FLNB: variants seen among roughly 807,000 people sequenced by gnomAD.
The protein encoded by FLNB is filamin-B.
FLNB carries 111 observed loss-of-function variants against 250.6 expected under a neutral mutation model. That is an observed-to-expected ratio of 0.44 (90% CI 0.38 to 0.52). The LOEUF is 0.52. Among genes scored for constraint, FLNB ranks in the 20% least tolerant of loss-of-function variants. The pLI is 0.00. For missense variants in FLNB, 2,869 were observed against 3,447.8 expected (o/e 0.83, Z 4.20); for synonymous variants, 1,302 against 1,372.1 (o/e 0.95, Z 1.13).
chr3:58,126,140 G>A (rs2107186275), intron 23 of FLNB, among the ~76,000 whole-genome samples: 1 of 152,342 alleles, frequency 6.6e-6, no homozygotes, highest in Non-Finnish European at 1.5e-5. Flanking sequence ...ACTTCAGGTG[G>A]CCGAGACGGG....
chr3:58,138,622 CT>C lies in FLNB; in HGVS notation c.5109+101del, dbSNP rs568100301. 650 of 1,518,756 alleles carry C rather than the reference CT, an allele frequency of 4.3e-4. 2 individuals carry two copies. Among genetic ancestry groups the C allele is most frequent in the Middle Eastern group, 1.4e-3 (8 of 5,520 alleles). 94.1% of individuals were successfully genotyped at this position (1,518,756 alleles called of 1,614,324 possible). On this transcript the variant is annotated intron_variant, in intron 29 of 45. Coordinates refer to ENST00000295956, the MANE Select transcript of FLNB (RefSeq NM_001457.4). ...ACCCTGACTAGGATATCCTCTTCAC[CT>C]TTTTTTTCCTTTGGAAAAAAATTTG...
At position 58,123,167 on chromosome 3, in the gene FLNB, A is replaced by T; in HGVS notation, c.3201A>T (p.Gly1067=). ...CCGAGTTCACCATCGATACCAAAGG[A>T]GCTGGTACTGGAGGTCTGGGCTTAA... ...KPAEFTIDTK[G]AGTGGLGLTV... The change falls in exon 21 of 46, where the codon GGA becomes GGT. Residue 1067 remains glycine, a synonymous_variant. Coordinates refer to ENST00000295956, the MANE Select transcript of FLNB (RefSeq NM_001457.4). 2.5e-6 allele frequency: 4 copies of T among 1,614,014 alleles called. No individual in the cohort carries two copies. The highest frequency in any genetic ancestry group is 3.4e-6 in the Non-Finnish European group (4 of 1,179,954).
intron 4 of FLNB, among the ~76,000 whole-genome samples, chr3:58,083,287 G>A (rs1411014479): frequency 6.7e-6 from 1 of 149,768 alleles, no homozygotes; most frequent in African/African-American, 2.5e-5. Context: ...AATAGTTAAG[G>A]GCATGTGTCT....
intron 38 of FLNB, chr3:58,152,842 T>C: frequency 2.3e-6 from 2 of 868,880 alleles, no homozygotes; most frequent in Non-Finnish European, 3.3e-6. Context: ...GCAGGCACAG[T>C]CGTTGGCATG....
intron 21 of FLNB, 137 bp downstream of exon 21, chr3:58,123,827 G>C (rs573296942): frequency 8.3e-6 from 6 of 726,408 alleles, no homozygotes; most frequent in African/African-American, 1.8e-5. Context: ...TGTTCCCTCT[G>C]CCTCGGGGAG....
At chr3:58,168,912 A>G (rs1575484636) in intron 44 of FLNB, 2 of 494,016 alleles carry the variant, frequency 4.0e-6, no homozygotes, top group East Asian at 7.7e-5. Flanking sequence ...AAGAATACAT[A>G]TTGAAATCTT....
chr3:58,143,396 C>A, intron 31 of FLNB, 77 bp from the exon 32 acceptor site: 1 of 1,511,714 alleles, frequency 6.6e-7, no homozygotes, highest in Non-Finnish European at 9.2e-7. Context: ...ATTTTGAATA[C>A]ATCTGTGCCT....
At chr3:58,168,088 G>A (rs1229388787) in intron 43 of FLNB, among the ~76,000 whole-genome samples, 1 of 152,230 alleles carries the variant, frequency 6.6e-6, no homozygotes, top group Non-Finnish European at 1.5e-5. Context: ...TGGAGGGAGA[G>A]CTGGACTCTG....
intron 1 of FLNB, among the ~76,000 whole-genome samples, chr3:58,044,104 T>G (rs2097150079): frequency 6.6e-6 from 1 of 152,170 alleles, no homozygotes; most frequent in Non-Finnish European, 1.5e-5. Flanking sequence ...AGAACCTGAT[T>G]CGGCTTGGAT....
At chr3:58,034,936 T>A (rs561680667) in intron 1 of FLNB, among the ~76,000 whole-genome samples, 56 of 152,304 alleles carry the variant, frequency 3.7e-4, no homozygotes, top group Non-Finnish European at 6.5e-4. Context: ...CCAGCCTATG[T>A]CACCTGCTCA....
intron 1 of FLNB, among the ~76,000 whole-genome samples, chr3:58,039,460 G>A (rs2097142961): frequency 6.6e-6 from 1 of 152,140 alleles, no homozygotes; most frequent in Non-Finnish European, 1.5e-5. Flanking sequence ...GAAAACTGAT[G>A]CCCAGAGGTT....
chr3:58,114,958 G>A (rs751555189), intron 18 of FLNB, among the ~76,000 whole-genome samples: 3 of 152,028 alleles, frequency 2.0e-5, no homozygotes, highest in Admixed American at 6.5e-5. Context: ...TTCCTTATCA[G>A]ATAAATGATT....
At chr3:58,118,723 T>C in intron 18 of FLNB, 149 bp from the exon 19 acceptor site, 12 of 716,812 alleles carry the variant, frequency 1.7e-5, no homozygotes, top group Non-Finnish European at 1.8e-5. Context: ...GGTCAAAAGC[T>C]AGAAGAAATA....
intron 1 of FLNB, among the ~76,000 whole-genome samples, chr3:58,045,999 C>CAAA (rs34327981): frequency 7.8e-4 from 54 of 68,996 alleles, no homozygotes; most frequent in South Asian, 4.8e-3. Context: ...ACTCCGTCTC[C>CAAA]AAAAAAAAAA....
At chr3:58,114,707 GTT>G (rs568292098) in intron 18 of FLNB, among the ~76,000 whole-genome samples, 12 of 138,838 alleles carry the variant, frequency 8.6e-5, no homozygotes, top group African/African-American at 1.9e-4. Flanking sequence ...TTTTTTTTCT[GTT>G]TTTTTTTTTT....
intron 1 of FLNB, among the ~76,000 whole-genome samples, chr3:58,039,068 C>A (rs772743294): frequency 1.2e-4 from 18 of 149,424 alleles, no homozygotes; most frequent in African/African-American, 4.2e-4. Context: ...CGCTCTGTCA[C>A]CCCGGCTGGA....
At chr3:58,132,589 C>T in intron 25 of FLNB, 1 of 615,236 alleles carries the variant, frequency 1.6e-6, no homozygotes, top group South Asian at 1.8e-5. Flanking sequence ...TTTTAGCCAA[C>T]AAAAAGCTAA....
At chr3:58,078,340 A>G in intron 2 of FLNB, 1 of 1,459,046 alleles carries the variant, frequency 6.9e-7, no homozygotes, top group Non-Finnish European at 9.0e-7. Context: ...TTTTTGAATC[A>G]CACAGGATGC....
In FLNB at chr3:58,142,776, T is replaced by C. The variant is rs751673694; in HGVS notation, c.5284+24T>C. On this transcript the variant is annotated intron_variant, in intron 31 of 45. Coordinates refer to ENST00000295956, the MANE Select transcript of FLNB (RefSeq NM_001457.4). The surrounding 1 kb of genome is among the most constrained non-coding windows in gnomAD (Gnocchi z 4.3). The stretch of plus-strand genomic sequence containing the variant: ...TGGTAAGCACTTGCCATAAAGGCCG[T>C]CTCATTCTCACTTGCTCTCACGAGC... 4.4e-6 allele frequency: 7 copies of C among 1,592,920 alleles called. No homozygotes were observed. The highest frequency in any genetic ancestry group is 1.3e-5 in the African/African-American group (1 of 74,478).
Sources: gnomAD v4.1 joint callset for allele counts (sites outside exome capture counted in the v4.1 genomes callset) on GRCh38, gnomAD v4.1.1 for gene constraint, Gnocchi (gnomAD v3.1) non-coding constraint, MANE v1.5 for transcripts, NCBI Gene and HGNC (gene_info 2026-07-23, HGNC 2026-07-21) for gene names.